Variants in AOPEP observed in about 807,000 individuals in gnomAD.
AOPEP encodes the protein aminopeptidase O.
A neutral mutation model predicts 98.1 loss-of-function variants in AOPEP; 77 were observed. The ratio of observed to expected loss-of-function variants is 0.78; its 90% CI spans 0.65 to 0.95. The LOEUF is 0.95. Among genes scored for constraint, AOPEP ranks in the 40% least tolerant of loss-of-function variants. AOPEP has a pLI of 0.00. For missense variants in AOPEP, 1,024 were observed against 1,024.7 expected, an observed-to-expected ratio of 1.00 and a Z score of 0.01; for synonymous variants, 346 against 365.3, an observed-to-expected ratio of 0.95 and a Z score of 0.60.
intron 5 of AOPEP, among the ~76,000 whole-genome samples, chr9:94,833,433 C>A (rs2041166744): frequency 6.6e-6 from 1 of 151,784 alleles, no homozygotes; most frequent in Admixed American, 6.6e-5. Context: ...GACAGAGTTT[C>A]ACTGTGTTGG....
chr9:94,840,186 A>C (rs1357294387), intron 5 of AOPEP, among the ~76,000 whole-genome samples: 1 of 152,090 alleles, frequency 6.6e-6, no homozygotes, highest in East Asian at 1.9e-4. Context: ...CTCCTAATTC[A>C]CTGAGAAATT....
the AOPEP span, chr9:95,126,645 T>C: frequency 1.3e-6 from 2 of 1,549,710 alleles, no homozygotes; most frequent in East Asian, 4.5e-5. Flanking sequence ...AACTTGCTAT[T>C]ATCAGCCAAA....
At chr9:95,086,342 T>C (rs2070695386) in intron 16 of AOPEP, 7 of 985,364 alleles carry the variant, frequency 7.1e-6, no homozygotes, top group Non-Finnish European at 8.4e-6. Flanking sequence ...TTTGCCCCCA[T>C]GTGTAAGGGA....
At position 95,041,449 on chromosome 9, in the gene AOPEP, GT is replaced by G. The variant is rs1375738604; in HGVS notation, c.2116-19244del. 2.2e-3 allele frequency among the ~76,000 whole-genome samples: 320 copies of G among 147,228 alleles called. 1 individual carries two copies. The highest frequency in any genetic ancestry group is 8.0e-3 in the African/African-American group (305 of 38,136). ...CTGTGTACTCAGAGTCCTTGGGGGT[GT>G]GTGTGTGTGTGTGTGTGTGTGTGTG... On this transcript the variant is annotated intron_variant, in intron 13 of 16. Coordinates refer to ENST00000375315, the MANE Select transcript of AOPEP (RefSeq NM_001193329.3).
intron 5 of AOPEP, among the ~76,000 whole-genome samples, chr9:94,810,272 G>C (rs921662470): frequency 1.3e-5 from 2 of 151,798 alleles, no homozygotes; most frequent in African/African-American, 4.8e-5. Flanking sequence ...AGAATAACCC[G>C]CAGAATGTCT....
At chr9:94,967,592 C>T (rs2059283688) in intron 9 of AOPEP, among the ~76,000 whole-genome samples, 166 bp from the exon 10 acceptor site, 1 of 152,110 alleles carries the variant, frequency 6.6e-6, no homozygotes, top group Non-Finnish European at 1.5e-5. Flanking sequence ...TCGATTGAAA[C>T]CCTGGGAAAT....
chr9:95,084,401 C>T (rs927143093), intron 16 of AOPEP, among the ~76,000 whole-genome samples: 2 of 152,210 alleles, frequency 1.3e-5, no homozygotes, highest in Admixed American at 6.5e-5. Flanking sequence ...CGGGACTGAG[C>T]GTCTCGTAGC....
chr9:95,064,235 G>A (rs750895093), intron 14 of AOPEP, among the ~76,000 whole-genome samples: 11 of 152,254 alleles, frequency 7.2e-5, no homozygotes, highest in East Asian at 1.9e-4. Flanking sequence ...CCCGTAGCAC[G>A]GGCAGTAGCT....
intron 5 of AOPEP, among the ~76,000 whole-genome samples, chr9:94,854,270 C>A (rs1313507329): frequency 2.0e-5 from 3 of 152,054 alleles, no homozygotes; most frequent in Non-Finnish European, 4.4e-5. Flanking sequence ...GTGACAATTT[C>A]TTATAAAAAT....
At chr9:94,934,278 TC>T (rs1257929871) in intron 7 of AOPEP, among the ~76,000 whole-genome samples, 1 of 142,382 alleles carries the variant, frequency 7.0e-6, no homozygotes, top group Non-Finnish European at 1.5e-5. Context: ...CCTCTCCCTC[TC>T]CCTCTAACTG....
chr9:95,039,596 C>CTATCCT (rs2065117246), intron 13 of AOPEP, among the ~76,000 whole-genome samples: 1 of 152,062 alleles, frequency 6.6e-6, no homozygotes, highest in Admixed American at 6.5e-5. Context: ...AAAACTGGAC[C>CTATCCT]ATAGTTTTAA....
At chr9:94,801,132 G>A (rs565052238) in intron 5 of AOPEP, 130 bp downstream of exon 5, 151 of 1,086,186 alleles carry the variant, frequency 1.4e-4, no homozygotes, top group Non-Finnish European at 1.9e-4. Flanking sequence ...CTCATGCTTG[G>A]ACATCTCATT....
chr9:95,039,302 C>T (rs746071950), intron 13 of AOPEP, among the ~76,000 whole-genome samples: 3 of 152,090 alleles, frequency 2.0e-5, no homozygotes, highest in Admixed American at 6.5e-5. Context: ...TGCGGTGGCT[C>T]ATGCCTGTAT....
At chr9:94,886,739 A>G (rs1402705553) in intron 5 of AOPEP, among the ~76,000 whole-genome samples, 1 of 152,212 alleles carries the variant, frequency 6.6e-6, no homozygotes, top group Non-Finnish European at 1.5e-5. Flanking sequence ...TTTGTACAAC[A>G]TTTTAAATTA....
intron 14 of AOPEP, among the ~76,000 whole-genome samples, chr9:95,068,381 A>G (rs1274393046): frequency 6.6e-6 from 1 of 152,084 alleles, no homozygotes; most frequent in Non-Finnish European, 1.5e-5. Flanking sequence ...TTGGTACCCC[A>G]CTGTCGTCGT....
At chr9:95,102,690 C>T in the AOPEP span, among the ~76,000 whole-genome samples, 2 of 152,222 alleles carry the variant, frequency 1.3e-5, no homozygotes, top group African/African-American at 4.8e-5. Flanking sequence ...TTTCCCAGGA[C>T]TATTCTGGTT....
intron 3 of AOPEP, among the ~76,000 whole-genome samples, chr9:94,777,031 CT>C (rs1424946154): frequency 1.3e-5 from 2 of 150,616 alleles, no homozygotes; most frequent in Non-Finnish European, 3.0e-5. Context: ...GTATAACATT[CT>C]TTTTTTTAAT....
At chr9:95,148,278 T>C in the AOPEP span, among the ~76,000 whole-genome samples, 2 of 152,178 alleles carry the variant, frequency 1.3e-5, no homozygotes, top group Non-Finnish European at 2.9e-5. Context: ...AAAAAGACGG[T>C]TGCCTGGAGA....
In AOPEP at chr9:95,060,905, T is replaced by C; in HGVS notation, c.2232+95T>C. On this transcript the variant is annotated intron_variant, in intron 14 of 16. Coordinates refer to ENST00000375315, the MANE Select transcript of AOPEP (RefSeq NM_001193329.3). ...CAGTCCCAAACTATTGAAACCACCA[T>C]TTCTATTAGCAAAATCTCATGTGTT... is the stretch of plus-strand genomic sequence containing the variant. 9 of 802,522 alleles carry C rather than the reference T, an allele frequency of 1.1e-5. No homozygotes were observed. In the South Asian group the frequency reaches 1.3e-4, roughly 11 times the overall value. 49.7% of individuals were successfully genotyped at this position (802,522 alleles called of 1,614,324 possible). A position where few individuals can be genotyped will look rare whatever the true frequency, so the allele number is the denominator to read the frequency against.
Sources: allele counts gnomAD v4.1 joint callset (sites outside exome capture counted in the v4.1 genomes callset), GRCh38; gene constraint gnomAD v4.1.1; transcripts MANE v1.5; gene names NCBI Gene and HGNC (gene_info 2026-07-23, HGNC 2026-07-21).